Variants in ZSCAN12 observed in about 807,000 individuals in gnomAD.
ZSCAN12 encodes zinc finger and SCAN domain containing 12.
Under a neutral mutation model 23.4 loss-of-function variants are expected in ZSCAN12, and 18 were observed. The ratio of observed to expected loss-of-function variants is 0.77; its 90% CI spans 0.53 to 1.14. The LOEUF is 1.14. Ranked by LOEUF, ZSCAN12 falls within the 50% of genes most tolerant of loss-of-function variation. ZSCAN12 has a pLI of 0.00. For missense variants in ZSCAN12, 650 were observed against 735.0 expected (o/e 0.88, Z 1.34); for synonymous variants, 186 against 253.4 (o/e 0.73, Z 2.53).
chr6:28,383,081 A>T (rs1292072184), downstream of ZSCAN12, among the ~76,000 whole-genome samples: 1 of 152,142 alleles, frequency 6.6e-6, no homozygotes, highest in Non-Finnish European at 1.5e-5. Context: ...AAACTGAGGC[A>T]CAGAGAGATT....
At chr6:28,381,163 G>A (rs1760215387), downstream of ZSCAN12, 1 of 152,110 alleles carries the variant, frequency 6.6e-6, no homozygotes, top group Admixed American at 6.6e-5. Context: ...AAAAAGAGAA[G>A]ATCAGTTTGA....
chr6:28,382,323 T>G, downstream of ZSCAN12: 1 of 1,184,314 alleles, frequency 8.4e-7, no homozygotes, highest in Non-Finnish European at 1.1e-6. Flanking sequence ...CCAAGTGGCT[T>G]TTTCCAATGC....
At chr6:28,392,619 G>C (rs1166739711) in intron 3 of ZSCAN12, among the ~76,000 whole-genome samples, 1 of 152,048 alleles carries the variant, frequency 6.6e-6, no homozygotes, top group African/African-American at 2.4e-5. Context: ...TTGTCTGATA[G>C]GATAAAGGCT....
In ZSCAN12 at chr6:28,390,418, C is replaced by T. The variant is rs2859379; in HGVS notation, c.*36G>A. The T allele has an allele frequency of 0.047, 68,046 of 1,446,494 alleles. 3,319 individuals carry two copies. The highest frequency in any genetic ancestry group is 0.25 in the African/African-American group (17,355 of 69,728). 89.6% of individuals were successfully genotyped at this position (1,446,494 alleles called of 1,614,324 possible). ...TGTAAAGCTAAATAGTATTTCTCAC[C>T]GGCCTGAACTCTGTGAGATAACTTC... is the stretch of plus-strand genomic sequence containing the variant. On this transcript the variant is annotated 3_prime_UTR_variant, in exon 4 of 4. Coordinates refer to ENST00000684592, the MANE Select transcript of ZSCAN12 (RefSeq NM_001163391.2).
rs750773073 is a variant in ZSCAN12 at position 28,385,372 on chromosome 6, C to T, written c.*5082G>A. Among the ~76,000 whole-genome samples the T allele has an allele frequency of 3.9e-5, 6 of 152,278 alleles. No homozygotes were observed. Among genetic ancestry groups the T allele is most frequent in the African/African-American group, 9.6e-5 (4 of 41,560 alleles). The stretch of plus-strand genomic sequence containing the variant: ...GTAGAGCTGTTTATGCTGGCCAAAC[C>T]TCATCCAAGATTTGGTATGCAGAGG... On this transcript the variant is annotated 3_prime_UTR_variant, in exon 4 of 4. Coordinates refer to ENST00000684592, the MANE Select transcript of ZSCAN12 (RefSeq NM_001163391.2).
chr6:28,379,023 A>G (rs1760087464), exon 5 of ZSCAN12: 1 of 152,200 alleles, frequency 6.6e-6, no homozygotes, highest in Non-Finnish European at 1.5e-5. Context: ...CAGCAGAGGG[A>G]CACCTAGAAT....
intron 2 of ZSCAN12, among the ~76,000 whole-genome samples, chr6:28,394,075 T>C (rs890823093): frequency 4.6e-5 from 7 of 152,200 alleles, no homozygotes; most frequent in African/African-American, 1.7e-4. Context: ...CTCTGACCCT[T>C]GCTCCCTCAG....
downstream of ZSCAN12, among the ~76,000 whole-genome samples, chr6:28,383,049 T>C (rs954116045): frequency 4.6e-5 from 7 of 152,284 alleles, no homozygotes; most frequent in East Asian, 1.9e-4. Flanking sequence ...TAGACACTTA[T>C]AATCTCACTG....
downstream of ZSCAN12, among the ~76,000 whole-genome samples, chr6:28,384,450 G>A (rs1760443893): frequency 6.6e-6 from 1 of 152,154 alleles, no homozygotes; most frequent in South Asian, 2.1e-4. Context: ...ATATACCCTA[G>A]AGATTAACTT....
chr6:28,399,554 C>T (rs1284407829), intron 1 of ZSCAN12, 103 bp downstream of exon 1: 1 of 152,442 alleles, frequency 6.6e-6, no homozygotes, highest in Non-Finnish European at 1.5e-5. Context: ...TTGGGAGGAC[C>T]GGGGTCCACT....
Position 28,390,146 on chromosome 6 carries a change from C to T in ZSCAN12, c.*308G>A, listed in dbSNP as rs1333929034. ...CTTTAGAATTTACAGCACTTATAGTCTGTTACAAAGTACCACTTTCATTCG... is the reference window on the plus strand; with the variant it reads ...CTTTAGAATTTACAGCACTTATAGTTTGTTACAAAGTACCACTTTCATTCG... On this transcript the variant is annotated 3_prime_UTR_variant, in exon 4 of 4. Transcript: ENST00000684592. 6.6e-6 allele frequency among the ~76,000 whole-genome samples: 1 copy of T among 151,750 alleles called. No homozygotes were observed. The highest frequency in any genetic ancestry group is 1.5e-5 in the Non-Finnish European group (1 of 67,932).
At chr6:28,398,924 C>A (rs1253388740) in intron 1 of ZSCAN12, among the ~76,000 whole-genome samples, 2 of 76,212 alleles carry the variant, frequency 2.6e-5, no homozygotes, top group Admixed American at 1.3e-4. Flanking sequence ...CAGAGCGAGA[C>A]TCCGTCTCAA....
chr6:28,393,444 T>C (rs1241207044), intron 2 of ZSCAN12, among the ~76,000 whole-genome samples: 3 of 143,566 alleles, frequency 2.1e-5, no homozygotes, highest in Non-Finnish European at 3.0e-5. Flanking sequence ...AAAGGGGATA[T>C]GTAAAGGTAA....
Position 28,398,474 on chromosome 6 carries a change from C to G in ZSCAN12, c.-68-1G>C. The G allele has an allele frequency of 7.1e-7, 1 of 1,417,978 alleles. No homozygotes were observed. The highest frequency in any genetic ancestry group is 1.5e-5 in the South Asian group (1 of 65,970). 87.8% of individuals were successfully genotyped at this position (1,417,978 alleles called of 1,614,324 possible). On this transcript the variant is annotated splice_acceptor_variant, in intron 1 of 3. Transcript: ENST00000684592. LOFTEE classifies it low-confidence loss of function (5UTR_SPLICE). ...CTGGAAACTGTATTCCTGGACAGTC[C>G]TGAAGAATAAGCCATCATTATTAAT...
intron 2 of ZSCAN12, among the ~76,000 whole-genome samples, chr6:28,396,019 A>ATTTTTTTTT (rs70983941): frequency 7.6e-6 from 1 of 132,180 alleles, no homozygotes; most frequent in Non-Finnish European, 1.6e-5. Context: ...GTGTTTGTTG[A>ATTTTTTTTT]TTTTTTTTTT....
chr6:28,397,686 A>G, intron 2 of ZSCAN12, among the ~76,000 whole-genome samples: 1 of 152,156 alleles, frequency 6.6e-6, no homozygotes, highest in East Asian at 1.9e-4. Flanking sequence ...CAACAGAGTG[A>G]TGCCCCTCCA....
chr6:28,396,018 G>T (rs1374506068), intron 2 of ZSCAN12, among the ~76,000 whole-genome samples: 4 of 124,614 alleles, frequency 3.2e-5, no homozygotes, highest in Admixed American at 1.6e-4. Flanking sequence ...GGTGTTTGTT[G>T]ATTTTTTTTT....
rs1464341259 is a variant in ZSCAN12 at position 28,391,371 on chromosome 6, A to G, written c.919T>C (p.Cys307Arg). Residue 307 changes from cysteine (C) to arginine (R), a missense_variant, in exon 4 of 4, where the codon TGT becomes CGT. Coordinates refer to ENST00000684592, the MANE Select transcript of ZSCAN12 (RefSeq NM_001163391.2). The surrounding 1 kb of genome is among the most constrained non-coding windows in gnomAD (Gnocchi z 4.1). ...GTTCTCCCACGGAAAGCTTTTCCAC[A>G]TTCTTCGCATTTGTAGGGTCTATCT... ...TGDRPYKCEE[C>R]GKAFRGRTVL... is the part of the protein sequence containing the mutation. 6.4e-7 allele frequency: 1 copy of G among 1,551,734 alleles called. No individual in the cohort carries two copies. The highest frequency in any genetic ancestry group is 1.2e-5 in the South Asian group (1 of 84,038).
Position 28,390,960 on chromosome 6 carries a change from A to G in ZSCAN12, c.1330T>C (p.Cys444Arg). 5 of 1,556,438 alleles carry G rather than the reference A, an allele frequency of 3.2e-6. No homozygotes were observed. Among genetic ancestry groups the G allele is most frequent in the Non-Finnish European group, 4.3e-6 (5 of 1,149,610 alleles). The change falls in exon 4 of 4, where the codon TGT becomes CGT. Residue 444 changes from cysteine (C) to arginine (R), a missense_variant. Cys to Arg is a radical substitution (Grantham distance 180). Coordinates refer to ENST00000684592, the MANE Select transcript of ZSCAN12 (RefSeq NM_001163391.2). ...CTGAAGGATTTCCCACATTCCTTACACTGATAGCATTTTTCTTTGTGGTGG... is the reference window on the plus strand; with the variant it reads ...CTGAAGGATTTCCCACATTCCTTACGCTGATAGCATTTTTCTTTGTGGTGG... The part of the protein sequence containing the change: ...EIHHKEKCYQ[C>R]KECGKSFSQS...
Sources: gnomAD v4.1 joint callset for allele counts (sites outside exome capture counted in the v4.1 genomes callset) on GRCh38, gnomAD v4.1.1 for gene constraint, Gnocchi (gnomAD v3.1) non-coding constraint, MANE v1.5 for transcripts, NCBI Gene and HGNC (gene_info 2026-07-23, HGNC 2026-07-21) for gene names.